The following RNF38 variants were observed in gnomAD, a reference collection of about 807,000 sequenced individuals.
The protein encoded by RNF38 is ring finger protein 38.
A neutral mutation model predicts 67.2 loss-of-function variants in RNF38; 15 were observed. That is an observed-to-expected ratio of 0.22 (90% CI 0.15 to 0.34). RNF38 has a LOEUF of 0.34. Among genes scored for constraint, RNF38 ranks in the 10% least tolerant of loss-of-function variants. RNF38 has a pLI of 1.00. For synonymous variants in RNF38, 220 were observed against 218.8 expected, an observed-to-expected ratio of 1.01 and a Z score of -0.05; for missense variants, 524 against 639.9, an observed-to-expected ratio of 0.82 and a Z score of 1.95.
intron 3 of RNF38, among the ~76,000 whole-genome samples, chr9:36,372,960 C>T (rs1186260972): frequency 1.3e-5 from 2 of 152,138 alleles, no homozygotes; most frequent in Non-Finnish European, 2.9e-5. Flanking sequence ...AATCCCAGCA[C>T]TTTGGGAGGC....
At chr9:36,354,792 T>C (rs1833976204) in intron 6 of RNF38, among the ~76,000 whole-genome samples, 1 of 152,250 alleles carries the variant, frequency 6.6e-6, no homozygotes, top group South Asian at 2.1e-4. Context: ...TATTTTTAAA[T>C]GCTAGTCTGA....
intron 5 of RNF38, 149 bp downstream of exon 5, chr9:36,357,626 G>C (rs780573258): frequency 4.4e-5 from 22 of 501,246 alleles, no homozygotes; most frequent in Non-Finnish European, 6.2e-5. Flanking sequence ...ACTTGAAAGT[G>C]AAACTACAAA....
upstream of RNF38, among the ~76,000 whole-genome samples, chr9:36,405,280 T>A (rs1039050699): frequency 2.7e-4 from 39 of 145,914 alleles, 1 homozygote; most frequent in Admixed American, 4.8e-4. Flanking sequence ...AAAAAAAAAA[T>A]TCATAAATGG....
At chr9:36,439,227 C>T (rs1212102351) in intron 1 of RNF38, among the ~76,000 whole-genome samples, 3 of 152,326 alleles carry the variant, frequency 2.0e-5, no homozygotes, top group Non-Finnish European at 2.9e-5. Flanking sequence ...TCTAACATCA[C>T]TGGCAGGAAA....
At chr9:36,433,672 G>C (rs1400575015) in intron 1 of RNF38, among the ~76,000 whole-genome samples, 6 of 143,296 alleles carry the variant, frequency 4.2e-5, no homozygotes, top group Non-Finnish European at 9.0e-5. Context: ...GGGAAACAGA[G>C]TGAGACTTCG....
intron 2 of RNF38, among the ~76,000 whole-genome samples, chr9:36,407,680 T>TCTTG (rs749028347): frequency 3.3e-5 from 5 of 152,184 alleles, no homozygotes; most frequent in African/African-American, 4.8e-5. Flanking sequence ...GAAGCCACAC[T>TCTTG]CTTGCTTGTT....
chr9:36,427,316 T>C (rs1476904433), intron 1 of RNF38, among the ~76,000 whole-genome samples: 1 of 152,178 alleles, frequency 6.6e-6, no homozygotes, highest in African/African-American at 2.4e-5. Context: ...CTCCCTTTCC[T>C]AGTCTACACT....
rs1200224471 is a variant in RNF38 at position 36,337,641 on chromosome 9, TA to T, written c.*2110del. On this transcript the variant is annotated 3_prime_UTR_variant, in exon 12 of 12. Coordinates refer to ENST00000259605, the MANE Select transcript of RNF38 (RefSeq NM_022781.5). ...TGTATAAGATGGGCTTTTGCCATTTTAAACATGATTTTTTTTCATTAAAAAA... is the reference window on the plus strand; with the variant it reads ...TGTATAAGATGGGCTTTTGCCATTTTAACATGATTTTTTTTCATTAAAAAA... 1 of 149,492 alleles carries T rather than the reference TA, an allele frequency of 6.7e-6. No homozygotes were observed. The highest frequency in any genetic ancestry group is 2.4e-5 in the African/African-American group (1 of 41,392). 9.3% of individuals were successfully genotyped at this position (149,492 alleles called of 1,614,324 possible).
rs1206862953 is a variant in RNF38 at position 36,485,955 on chromosome 9, T to C, written n.241+1353A>G. On this transcript the variant is annotated intron_variant and non_coding_transcript_variant, in intron 1 of 3. Transcript: ENST00000488058. ...GCTGTCCTTACTAAAAGAAAATAAGTGACTGCAGACCAATTCACACTCAAC... is the reference window on the plus strand; with the variant it reads ...GCTGTCCTTACTAAAAGAAAATAAGCGACTGCAGACCAATTCACACTCAAC... 2.0e-5 allele frequency among the ~76,000 whole-genome samples: 3 copies of C among 152,146 alleles called. No individual in the cohort carries two copies. In the East Asian group the frequency reaches 5.8e-4, roughly 29 times the overall value.
chr9:36,397,185 G>C (rs1022857602), intron 1 of RNF38, among the ~76,000 whole-genome samples: 1 of 150,226 alleles, frequency 6.7e-6, no homozygotes. Flanking sequence ...GCACAATCCT[G>C]ACTCACTGCA....
In RNF38 at chr9:36,343,586, TA is replaced by T. The variant is rs961296158; in HGVS notation, c.1386-1163del. Among the ~76,000 whole-genome samples the T allele has an allele frequency of 6.3e-4, 94 of 150,178 alleles. 1 individual carries two copies. The highest frequency in any genetic ancestry group is 2.1e-3 in the Admixed American group (31 of 15,064). On this transcript the variant is annotated intron_variant, in intron 10 of 11. Transcript: ENST00000259605. ...TTCACAATCACTAGACTGGCTATAATAAAAAAAAATAGACAATATAGAGTGA... is the reference window on the plus strand; with the variant it reads ...TTCACAATCACTAGACTGGCTATAATAAAAAAAATAGACAATATAGAGTGA...
At chr9:36,457,360 T>C (rs997928884) in intron 1 of RNF38, among the ~76,000 whole-genome samples, 2 of 152,210 alleles carry the variant, frequency 1.3e-5, no homozygotes, top group African/African-American at 4.8e-5. Flanking sequence ...ATTTAAACCA[T>C]TTAATTGGCA....
chr9:36,472,871 CGAGGTGGGTGGAT>C (rs1840028723), intron 1 of RNF38, among the ~76,000 whole-genome samples: 1 of 151,542 alleles, frequency 6.6e-6, no homozygotes, highest in East Asian at 1.9e-4. Context: ...TCTGAGAGAC[CGAGGTGGGTGGAT>C]CACCTGAGGT....
At chr9:36,346,109 G>A (rs1279438078) in intron 9 of RNF38, among the ~76,000 whole-genome samples, 1 of 152,078 alleles carries the variant, frequency 6.6e-6, no homozygotes, top group African/African-American at 2.4e-5. Context: ...AATAATTTAG[G>A]TAGAATAGGA....
At chr9:36,427,911 T>C (rs1328256198) in intron 1 of RNF38, among the ~76,000 whole-genome samples, 1 of 151,324 alleles carries the variant, frequency 6.6e-6, no homozygotes, top group Non-Finnish European at 1.5e-5. Context: ...GGTATCTCCA[T>C]GTTGGTCAGG....
At chr9:36,347,190 T>C (rs909703764) in intron 9 of RNF38, among the ~76,000 whole-genome samples, 1 of 147,624 alleles carries the variant, frequency 6.8e-6, no homozygotes, top group Non-Finnish European at 1.5e-5. Context: ...ATATATAAAA[T>C]TTAGATAAAA....
intron 1 of RNF38, among the ~76,000 whole-genome samples, chr9:36,429,691 G>A (rs1838878177): frequency 6.6e-6 from 1 of 152,146 alleles, no homozygotes; most frequent in Non-Finnish European, 1.5e-5. Flanking sequence ...CTACTCGGGA[G>A]GCTGAGGCAG....
intron 1 of RNF38, among the ~76,000 whole-genome samples, chr9:36,394,443 A>G (rs1291348963): frequency 2.0e-5 from 3 of 152,258 alleles, no homozygotes; most frequent in Admixed American, 6.5e-5. Flanking sequence ...GTGTATGTAT[A>G]TAACTTGAAT....
In RNF38 at chr9:36,339,396, TATC is replaced by T. The variant is rs202023965; in HGVS notation, c.*353_*355del. 2,258 of 247,942 alleles carry T rather than the reference TATC, an allele frequency of 9.1e-3. 45 individuals are homozygous for T. Among genetic ancestry groups the T allele is most frequent in the African/African-American group, 0.043 (1,995 of 45,864 alleles). The allele number at this position is 247,942 out of a possible 1,614,324, so 15.4% of individuals were successfully genotyped here. On this transcript the variant is annotated 3_prime_UTR_variant, in exon 12 of 12. Transcript: ENST00000259605. The stretch of plus-strand genomic sequence containing the variant: ...AGGCTCTATATAAGGTAGATTGCTA[TATC>T]ATCTGTAGCTACCACTTTTTATAAA...
Sources: allele counts gnomAD v4.1 joint callset (sites outside exome capture counted in the v4.1 genomes callset), GRCh38; gene constraint gnomAD v4.1.1; transcripts MANE v1.5; gene names NCBI Gene and HGNC (gene_info 2026-07-23, HGNC 2026-07-21).